The following ERBB4 variants were observed in gnomAD, a reference collection of about 807,000 sequenced individuals.
ERBB4 encodes erb-b2 receptor tyrosine kinase 4.
In ERBB4, 42 loss-of-function variants were observed where a neutral mutation model predicts 158.0. The ratio of observed to expected loss-of-function variants is 0.27; its 90% CI spans 0.21 to 0.34. ERBB4 has a LOEUF of 0.34. Among genes scored for constraint, ERBB4 ranks in the 10% least tolerant of loss-of-function variants. The pLI is 1.00. For synonymous variants in ERBB4, 583 were observed against 558.7 expected (o/e 1.04, Z -0.61); for missense variants, 1,333 against 1,624.1 (o/e 0.82, Z 3.08).
chr2:212,520,421 G>A (rs994710742), intron 1 of ERBB4, among the ~76,000 whole-genome samples: 1 of 151,856 alleles, frequency 6.6e-6, no homozygotes, highest in East Asian at 1.9e-4. Flanking sequence ...TAAAAATTTC[G>A]GTAATTCAAC....
chr2:212,104,267 G>T (rs535860849), intron 2 of ERBB4, among the ~76,000 whole-genome samples: 4 of 151,840 alleles, frequency 2.6e-5, no homozygotes, highest in Non-Finnish European at 5.9e-5. Flanking sequence ...TATTCATCTT[G>T]GGATCCCTAG....
At chr2:212,277,094 A>G (rs1331112443) in intron 1 of ERBB4, among the ~76,000 whole-genome samples, 1 of 151,760 alleles carries the variant, frequency 6.6e-6, no homozygotes, top group Non-Finnish European at 1.5e-5. Context: ...AGGCAGAGTT[A>G]TTTATCATGT....
chr2:212,093,786 C>T (rs538972223), intron 2 of ERBB4, among the ~76,000 whole-genome samples: 1 of 152,172 alleles, frequency 6.6e-6, no homozygotes, highest in East Asian at 1.9e-4. Context: ...TATTATCATG[C>T]CATTTGATTG....
chr2:211,823,737 T>C (rs2077041395), intron 3 of ERBB4, among the ~76,000 whole-genome samples: 1 of 152,016 alleles, frequency 6.6e-6, no homozygotes, highest in Non-Finnish European at 1.5e-5. Flanking sequence ...TAATCAATGA[T>C]GGGGCTTCTA....
chr2:211,647,539 T>TTAC (rs1390041547), intron 16 of ERBB4, among the ~76,000 whole-genome samples: 2 of 151,656 alleles, frequency 1.3e-5, no homozygotes, highest in African/African-American at 2.4e-5. Context: ...TCAGTTAATG[T>TTAC]TACCCCCATC....
At chr2:211,551,099 TC>T (rs1338575876) in intron 20 of ERBB4, among the ~76,000 whole-genome samples, 3 of 152,100 alleles carry the variant, frequency 2.0e-5, no homozygotes, top group African/African-American at 7.2e-5. Context: ...ACACTGTATC[TC>T]CATGAAATAA....
At chr2:211,966,055 A>T (rs919551966) in intron 2 of ERBB4, among the ~76,000 whole-genome samples, 12 of 152,074 alleles carry the variant, frequency 7.9e-5, no homozygotes, top group African/African-American at 2.7e-4. Flanking sequence ...CTACAAAAAA[A>T]TGTCAAAATT....
intron 1 of ERBB4, among the ~76,000 whole-genome samples, chr2:212,417,194 AG>A (rs1225232142): frequency 6.6e-6 from 1 of 152,064 alleles, no homozygotes; most frequent in African/African-American, 2.4e-5. Flanking sequence ...AGCAAATGGT[AG>A]ATAAATATTT....
intron 1 of ERBB4, among the ~76,000 whole-genome samples, chr2:212,260,100 T>C (rs139403735): frequency 0.019 from 2,161 of 114,642 alleles, 47 homozygotes; most frequent in African/African-American, 0.069. Context: ...AGAAAAGAAA[T>C]GTACTACTTG....
chr2:211,909,989 G>A (rs1044456196), intron 3 of ERBB4, among the ~76,000 whole-genome samples: 7 of 151,582 alleles, frequency 4.6e-5, no homozygotes, highest in African/African-American at 1.7e-4. Context: ...GCGTGATCTC[G>A]GCTCACTGCA....
intron 2 of ERBB4, among the ~76,000 whole-genome samples, chr2:212,050,330 T>C (rs2077367378): frequency 6.6e-6 from 1 of 152,214 alleles, no homozygotes; most frequent in African/African-American, 2.4e-5. Flanking sequence ...TTAATGCACA[T>C]ATCTAATGCA....
intron 1 of ERBB4, among the ~76,000 whole-genome samples, chr2:212,376,946 T>TG (rs1185924543): frequency 3.3e-5 from 5 of 152,124 alleles, no homozygotes; most frequent in African/African-American, 9.6e-5. Context: ...TTTATTTCAT[T>TG]GTCTTTATTT....
chr2:211,916,368 C>CG (rs777384392), intron 3 of ERBB4, among the ~76,000 whole-genome samples: 1 of 151,828 alleles, frequency 6.6e-6, no homozygotes, highest in Non-Finnish European at 1.5e-5. Context: ...TTAGTGGAGA[C>CG]GGGGTTTCAC....
At chr2:211,420,399 AT>A in intron 25 of ERBB4, 41 bp downstream of exon 25, 1 of 1,365,834 alleles carries the variant, frequency 7.3e-7, no homozygotes, top group Non-Finnish European at 1.0e-6. Context: ...ATGATTTTAT[AT>A]CTCAGAAAGA....
intron 1 of ERBB4, among the ~76,000 whole-genome samples, chr2:212,494,767 T>C (rs1690466615): frequency 6.6e-6 from 1 of 152,100 alleles, no homozygotes; most frequent in Admixed American, 6.6e-5. Flanking sequence ...ATAATAGCAA[T>C]AATGACTTCA....
intron 4 of ERBB4, among the ~76,000 whole-genome samples, chr2:211,776,169 C>T (rs557539501): frequency 6.6e-5 from 10 of 152,242 alleles, no homozygotes; most frequent in African/African-American, 2.2e-4. Flanking sequence ...ATTAAAGCCA[C>T]TTTGTAGTAC....
chr2:211,478,208 C>T (rs1010558469), intron 20 of ERBB4, among the ~76,000 whole-genome samples: 1 of 152,114 alleles, frequency 6.6e-6, no homozygotes, highest in African/African-American at 2.4e-5. Context: ...ACTATCTATA[C>T]CAGAACAATA....
At chr2:211,720,216 G>T (rs549932917) in intron 7 of ERBB4, among the ~76,000 whole-genome samples, 2 of 152,296 alleles carry the variant, frequency 1.3e-5, no homozygotes, top group African/African-American at 4.8e-5. Context: ...GCAAGCTTTT[G>T]CCTATCACAG....
intron 20 of ERBB4, among the ~76,000 whole-genome samples, chr2:211,523,460 G>A (rs1197494778): frequency 6.6e-6 from 1 of 151,516 alleles, no homozygotes; most frequent in African/African-American, 2.4e-5. Context: ...CCCTTGCGGT[G>A]AGTGTTACAG....
Sources: allele counts gnomAD v4.1 joint callset (sites outside exome capture counted in the v4.1 genomes callset), GRCh38; gene constraint gnomAD v4.1.1; transcripts MANE v1.5; gene names NCBI Gene and HGNC (gene_info 2026-07-23, HGNC 2026-07-21).